Variants in RBFOX1 observed in about 807,000 individuals in gnomAD.
The protein encoded by RBFOX1 is RNA binding protein fox-1 homolog 1.
In RBFOX1, 8 loss-of-function variants were observed where a neutral mutation model predicts 57.7. The ratio of observed to expected loss-of-function variants is 0.14; its 90% confidence interval spans 0.08 to 0.25. The LOEUF is 0.25. RBFOX1 is among the 10% of genes least tolerant of loss of function. The pLI, the probability that RBFOX1 is intolerant of heterozygous loss-of-function variation, is 1.00. For missense variants in RBFOX1, 611 were observed against 548.5 expected, an observed-to-expected ratio of 1.11 and a Z score of -1.14; for synonymous variants, 326 against 222.4, an observed-to-expected ratio of 1.47 and a Z score of -4.15.
At chr16:7,528,162 G>A (rs183381120) in intron 5 of RBFOX1, among the ~76,000 whole-genome samples, 8 of 152,296 alleles carry the variant, frequency 5.3e-5, no homozygotes, top group African/African-American at 1.7e-4. Flanking sequence ...CATATTCTAA[G>A]GGTTTGATTT....
At chr16:7,632,042 C>T (rs1320327777) in intron 11 of RBFOX1, among the ~76,000 whole-genome samples, 1 of 152,010 alleles carries the variant, frequency 6.6e-6, no homozygotes, top group African/African-American at 2.4e-5. Context: ...CCCAAGTAGC[C>T]GGGATTATAG....
At chr16:6,262,179 A>G (rs1223792345) in intron 1 of RBFOX1, among the ~76,000 whole-genome samples, 2 of 152,094 alleles carry the variant, frequency 1.3e-5, no homozygotes, top group Non-Finnish European at 2.9e-5. Context: ...CTGCCTTCCC[A>G]TCCAAGACAG....
Position 6,324,910 on chromosome 16 carries a change from A to C in RBFOX1, c.-64+7853A>C, listed in dbSNP as rs141623711. On this transcript the variant is annotated intron_variant, in intron 2 of 15. Transcript: ENST00000550418. ...CCTCCCTGGCCCACCTGTGTACAGA[A>C]ATTAGCCCATTTTCTCTTGACAGGA... Among the ~76,000 whole-genome samples the C allele has an allele frequency of 8.1e-3, 1,227 of 152,306 alleles. 4 individuals carry two copies. The highest frequency in any genetic ancestry group is 0.011 in the Non-Finnish European group (761 of 68,022).
At chr16:7,638,323 T>C (rs1037851529) in intron 11 of RBFOX1, among the ~76,000 whole-genome samples, 1 of 152,184 alleles carries the variant, frequency 6.6e-6, no homozygotes, top group African/African-American at 2.4e-5. Flanking sequence ...AAATTTAGGC[T>C]TGGGGGCGTT....
intron 6 of RBFOX1, among the ~76,000 whole-genome samples, chr16:7,580,290 T>G (rs1027057156): frequency 6.6e-6 from 1 of 152,166 alleles, no homozygotes; most frequent in African/African-American, 2.4e-5. Flanking sequence ...TGGTTTTGCT[T>G]TCTTTTACAG....
intron 1 of RBFOX1, among the ~76,000 whole-genome samples, chr16:6,310,230 T>C (rs934856194): frequency 2.0e-5 from 3 of 152,202 alleles, no homozygotes; most frequent in African/African-American, 7.2e-5. Context: ...AACCTTGGAA[T>C]AGCGGATACA....
At chr16:6,683,722 G>A (rs1168633021) in intron 3 of RBFOX1, among the ~76,000 whole-genome samples, 3 of 152,178 alleles carry the variant, frequency 2.0e-5, no homozygotes, top group Non-Finnish European at 4.4e-5. Flanking sequence ...GGGTGTGTGA[G>A]ATGGTGAGAC....
At chr16:5,263,685 A>G (rs1393621596) in intron 1 of RBFOX1, among the ~76,000 whole-genome samples, 2 of 152,078 alleles carry the variant, frequency 1.3e-5, no homozygotes, top group Admixed American at 1.3e-4. Flanking sequence ...AAGGCAGAGG[A>G]AGAGGGTCAA....
intron 1 of RBFOX1, among the ~76,000 whole-genome samples, chr16:5,300,510 A>G (rs944793089): frequency 6.6e-6 from 1 of 152,206 alleles, no homozygotes. Context: ...ACCAGCTGAG[A>G]TAATAATAAT....
At chr16:7,042,431 A>C (rs1452187258) in intron 3 of RBFOX1, among the ~76,000 whole-genome samples, 3 of 152,210 alleles carry the variant, frequency 2.0e-5, no homozygotes, top group Non-Finnish European at 4.4e-5. Flanking sequence ...CGGTTTTAGG[A>C]ATTCACTCAC....
At chr16:7,691,935 T>C (rs1568486719) in intron 14 of RBFOX1, among the ~76,000 whole-genome samples, 1 of 152,174 alleles carries the variant, frequency 6.6e-6, no homozygotes, top group Non-Finnish European at 1.5e-5. Context: ...TTATTCTAAG[T>C]GCCTGTTTTG....
chr16:5,842,618 G>A (rs979487071), intron 3 of RBFOX1, among the ~76,000 whole-genome samples: 3 of 152,076 alleles, frequency 2.0e-5, no homozygotes, highest in African/African-American at 4.8e-5. Context: ...AGGTGCTGGG[G>A]ATATTTAATA....
chr16:7,326,818 C>A (rs192414002), intron 4 of RBFOX1, among the ~76,000 whole-genome samples: 8 of 152,090 alleles, frequency 5.3e-5, no homozygotes, highest in African/African-American at 1.9e-4. Context: ...GCCCTCAGGT[C>A]ACTTGTGATG....
chr16:5,754,309 T>C lies in RBFOX1; in HGVS notation c.319-112994T>C, dbSNP rs114027703. Among the ~76,000 whole-genome samples the C allele has an allele frequency of 1.7e-3, 258 of 152,338 alleles. 1 individual carries two copies. The highest frequency in any genetic ancestry group is 6.1e-3 in the African/African-American group (254 of 41,580). On this transcript the variant is annotated intron_variant, in intron 3 of 19. Coordinates refer to the RBFOX1 transcript ENST00000641259. Reference sequence around the variant, plus strand: ...AATCTATGTAACATGTTTAGGATTATACCTTGTGTTTAGTTGGTGCAATGT... The same window carrying C: ...AATCTATGTAACATGTTTAGGATTACACCTTGTGTTTAGTTGGTGCAATGT...
At chr16:7,187,743 C>G (rs1468125519) in intron 4 of RBFOX1, among the ~76,000 whole-genome samples, 6 of 129,656 alleles carry the variant, frequency 4.6e-5, no homozygotes, top group Admixed American at 2.3e-4. Flanking sequence ...AAAAGAAGCG[C>G]TTTTAAAATC....
At chr16:7,553,400 C>G (rs565188644) in intron 5 of RBFOX1, among the ~76,000 whole-genome samples, 2 of 152,202 alleles carry the variant, frequency 1.3e-5, no homozygotes, top group East Asian at 3.8e-4. Flanking sequence ...TAGCATTGGT[C>G]TTCCAAAGCA....
At chr16:6,970,552 G>T (rs575842284) in intron 3 of RBFOX1, among the ~76,000 whole-genome samples, 1 of 152,238 alleles carries the variant, frequency 6.6e-6, no homozygotes, top group South Asian at 2.1e-4. Flanking sequence ...CTGAGTCTCT[G>T]CCTTATAACT....
chr16:5,590,452 C>T (rs1419492444), intron 2 of RBFOX1, among the ~76,000 whole-genome samples: 2 of 152,160 alleles, frequency 1.3e-5, no homozygotes, highest in South Asian at 4.1e-4. Context: ...AGTTAACTGG[C>T]ATTTCCTACG....
intron 3 of RBFOX1, among the ~76,000 whole-genome samples, chr16:6,805,122 C>T (rs924552679): frequency 3.3e-5 from 5 of 152,066 alleles, no homozygotes; most frequent in African/African-American, 1.2e-4. Context: ...CTCACAATAG[C>T]AAAGATATGG....
Sources: allele counts gnomAD v4.1 joint callset (sites outside exome capture counted in the v4.1 genomes callset), GRCh38; gene constraint gnomAD v4.1.1; transcripts MANE v1.5; gene names NCBI Gene and HGNC (gene_info 2026-07-23, HGNC 2026-07-21).